The following CASK variants were observed in gnomAD, a reference collection of about 807,000 sequenced individuals.
The protein encoded by CASK is peripheral plasma membrane protein CASK.
Under a neutral mutation model 82.9 loss-of-function variants are expected in CASK, and 4 were observed. The observed-to-expected ratio is 0.05, with a 90% CI of 0.02 to 0.11. The LOEUF (loss-of-function observed/expected upper bound fraction) is 0.11. CASK is among the 10% of genes least tolerant of loss of function. CASK has a pLI of 1.00. For missense variants in CASK, 358 were observed against 720.9 expected, an observed-to-expected ratio of 0.50 and a Z score of 5.76; for synonymous variants, 259 against 253.5, an observed-to-expected ratio of 1.02 and a Z score of -0.20.
chrX:41,711,041 C>T (rs1006029522), intron 5 of CASK, among the ~76,000 whole-genome samples: 2 of 111,471 alleles, frequency 1.8e-5, no homozygotes, highest in African/African-American at 3.3e-5. Flanking sequence ...TTCTGTGAGG[C>T]GCTCTAGCAA....
At chrX:41,757,050 A>C (rs1298135200) in intron 3 of CASK, among the ~76,000 whole-genome samples, 2 of 112,032 alleles carry the variant, frequency 1.8e-5, no homozygotes, top group African/African-American at 6.5e-5. Flanking sequence ...AGAACCATAT[A>C]GGGGGATTTT....
chrX:41,774,325 C>T (rs1253521382), intron 3 of CASK, among the ~76,000 whole-genome samples: 1 of 111,621 alleles, frequency 9.0e-6, no homozygotes, highest in East Asian at 2.8e-4. Flanking sequence ...CATGAGTGAA[C>T]TCCCATTCAC....
intron 24 of CASK, among the ~76,000 whole-genome samples, chrX:41,532,535 C>T (rs184623907): frequency 7.3e-4 from 81 of 111,666 alleles, no homozygotes; most frequent in African/African-American, 2.5e-3. Context: ...GAGCCAGGAA[C>T]ACTGGTTTTA....
At chrX:41,756,197 G>A (rs994220006) in intron 3 of CASK, among the ~76,000 whole-genome samples, 1 of 112,004 alleles carries the variant, frequency 8.9e-6, no homozygotes, top group Non-Finnish European at 1.9e-5. Flanking sequence ...GTAATTAAGT[G>A]TATGATATTG....
intron 8 of CASK, among the ~76,000 whole-genome samples, chrX:41,641,367 C>G (rs746850574): frequency 1.3e-3 from 144 of 111,608 alleles, no homozygotes; most frequent in Non-Finnish European, 2.2e-3. Context: ...GTTCATTACC[C>G]AAAATTCAAA....
rs776141103 is a variant in CASK, at chrX:41,784,941, TA to T, written c.278+2236del. On this transcript the variant is annotated intron_variant, in intron 3 of 26. Coordinates refer to ENST00000378163, the MANE Select transcript of CASK (RefSeq NM_001367721.1). ...GATACTGAGAATTATATTCTCACAATAAAAGTTTTTATATATCAACCTAAAA... is the reference window on the plus strand; with the variant it reads ...GATACTGAGAATTATATTCTCACAATAAAGTTTTTATATATCAACCTAAAA... Among the ~76,000 whole-genome samples the T allele has an allele frequency of 9.3e-5, 10 of 107,070 alleles. No individual in the cohort carries two copies. In the South Asian group the frequency reaches 4.2e-3, roughly 45 times the overall value. 93.0% of individuals were successfully genotyped at this position (107,070 alleles called of 115,157 possible).
intron 2 of CASK, among the ~76,000 whole-genome samples, chrX:41,844,481 C>T (rs1196292603): frequency 9.0e-6 from 1 of 111,601 alleles, no homozygotes; most frequent in Non-Finnish European, 1.9e-5. Context: ...TCTAGGCTAT[C>T]TAATTAAGTG....
chrX:41,644,327 T>C (rs2066716383), intron 8 of CASK, among the ~76,000 whole-genome samples: 1 of 112,367 alleles, frequency 8.9e-6, no homozygotes, highest in Non-Finnish European at 1.9e-5. Flanking sequence ...CTCAAATTAA[T>C]ACTTTTGTAA....
intron 3 of CASK, among the ~76,000 whole-genome samples, chrX:41,770,054 A>C (rs960364422): frequency 9.0e-6 from 1 of 111,417 alleles, no homozygotes; most frequent in African/African-American, 3.3e-5. Flanking sequence ...AATAAGGTAC[A>C]TGAAGGGATA....
At chrX:41,773,606 A>C (rs2069290290) in intron 3 of CASK, among the ~76,000 whole-genome samples, 1 of 111,072 alleles carries the variant, frequency 9.0e-6, no homozygotes, top group Non-Finnish European at 1.9e-5. Flanking sequence ...ATAAATGCAT[A>C]GTTAGGGGAT....
At chrX:41,561,739 G>T in intron 16 of CASK, 95 bp from the exon 17 acceptor site, 1 of 640,321 alleles carries the variant, frequency 1.6e-6, no homozygotes, top group Non-Finnish European at 2.5e-6. Context: ...AAACTAAGTT[G>T]AATATTGAGG....
chrX:41,913,551 AAATGAAC>A (rs2148093625), intron 1 of CASK, among the ~76,000 whole-genome samples: 1 of 111,890 alleles, frequency 8.9e-6, no homozygotes, highest in South Asian at 3.7e-4. Flanking sequence ...ATGAATACAT[AAATGAAC>A]AATGAATAAA....
intron 2 of CASK, among the ~76,000 whole-genome samples, chrX:41,812,920 A>C (rs1450202323): frequency 8.9e-6 from 1 of 111,955 alleles, no homozygotes; most frequent in Non-Finnish European, 1.9e-5. Flanking sequence ...AATGTGCAAA[A>C]ATCACAAGCA....
intron 9 of CASK, among the ~76,000 whole-genome samples, chrX:41,627,731 G>A (rs1014189036): frequency 8.9e-6 from 1 of 112,612 alleles, no homozygotes; most frequent in Non-Finnish European, 1.9e-5. Flanking sequence ...GGCTGGACGC[G>A]GTGGCTCACG....
chrX:41,873,593 G>C (rs2071747427), intron 1 of CASK, among the ~76,000 whole-genome samples: 1 of 110,646 alleles, frequency 9.0e-6, no homozygotes, highest in Non-Finnish European at 1.9e-5. Flanking sequence ...AACACCTAAA[G>C]CACTAAATAA....
chrX:41,833,213 A>G (rs759575698), intron 2 of CASK, among the ~76,000 whole-genome samples: 1 of 112,090 alleles, frequency 8.9e-6, no homozygotes, highest in African/African-American at 3.2e-5. Flanking sequence ...GAATATTCAT[A>G]TCAAGATTAT....
At chrX:41,689,930 T>C (rs2067511930) in intron 5 of CASK, 1 of 111,529 alleles carries the variant, frequency 9.0e-6, no homozygotes, top group Non-Finnish European at 1.9e-5. Flanking sequence ...GTGGAATCTG[T>C]TGGGTCCTGC....
chrX:41,539,671 T>C (rs2064921624), intron 22 of CASK, among the ~76,000 whole-genome samples: 1 of 112,418 alleles, frequency 8.9e-6, no homozygotes, highest in Admixed American at 9.5e-5. Context: ...CTTCTGTATA[T>C]TGGGATGACC....
At chrX:41,787,595 T>C (rs1458093659) in intron 2 of CASK, among the ~76,000 whole-genome samples, 1 of 109,382 alleles carries the variant, frequency 9.1e-6, no homozygotes, top group Non-Finnish European at 1.9e-5. Flanking sequence ...CCCCAACTCT[T>C]CTAATAAAAT....
Sources: allele counts gnomAD v4.1 joint callset (sites outside exome capture counted in the v4.1 genomes callset), GRCh38; gene constraint gnomAD v4.1.1; transcripts MANE v1.5; gene names NCBI Gene and HGNC (gene_info 2026-07-23, HGNC 2026-07-21).